GRM1: variants seen among roughly 807,000 people sequenced by gnomAD.
The protein encoded by GRM1 is glutamate metabotropic receptor 1, also known as metabotropic glutamate receptor 1.
In GRM1, 33 loss-of-function variants were observed where a neutral mutation model predicts 90.9. That is an observed-to-expected ratio of 0.36 (90% CI 0.28 to 0.49). GRM1 has a LOEUF of 0.49. Among genes scored for constraint, GRM1 ranks in the 20% least tolerant of loss-of-function variants. GRM1 has a pLI of 0.99. For synonymous variants in GRM1, 700 were observed against 613.2 expected (o/e 1.14, Z -2.09); for missense variants, 1,190 against 1,534.3 (o/e 0.78, Z 3.75).
intron 2 of GRM1, among the ~76,000 whole-genome samples, chr6:146,220,125 C>A (rs1780012430): frequency 6.6e-6 from 1 of 151,984 alleles, no homozygotes; most frequent in Non-Finnish European, 1.5e-5. Flanking sequence ...ATGGATACTG[C>A]ATTTAAATTT....
chr6:146,108,471 G>T (rs1213795939), intron 1 of GRM1, among the ~76,000 whole-genome samples: 2 of 152,212 alleles, frequency 1.3e-5, no homozygotes, highest in Non-Finnish European at 2.9e-5. Context: ...GCTGCCATTT[G>T]AAATGTGCCT....
intron 1 of GRM1, among the ~76,000 whole-genome samples, chr6:146,053,258 G>C (rs915618118): frequency 1.1e-4 from 17 of 151,974 alleles, no homozygotes; most frequent in Middle Eastern, 3.4e-3. Flanking sequence ...TGAGAATTTA[G>C]AATACAAGAA....
intron 1 of GRM1, among the ~76,000 whole-genome samples, chr6:146,047,134 A>G (rs1234207211): frequency 6.6e-6 from 1 of 151,976 alleles, no homozygotes; most frequent in Non-Finnish European, 1.5e-5. Flanking sequence ...GGAAAAGCGG[A>G]CCCAGATGTC....
chr6:146,282,747 G>T (rs1038711610), intron 2 of GRM1, among the ~76,000 whole-genome samples: 3 of 151,978 alleles, frequency 2.0e-5, no homozygotes, highest in Non-Finnish European at 4.4e-5. Context: ...TAGAAAAAAT[G>T]TAATAAAAAA....
At chr6:146,040,568 C>T (rs1188934402) in intron 1 of GRM1, among the ~76,000 whole-genome samples, 3 of 151,948 alleles carry the variant, frequency 2.0e-5, no homozygotes, top group African/African-American at 7.2e-5. Context: ...TTCTTTTCTT[C>T]AGTGCTTTGT....
At chr6:146,414,253 A>G (rs900237178) in intron 7 of GRM1, among the ~76,000 whole-genome samples, 1 of 151,938 alleles carries the variant, frequency 6.6e-6, no homozygotes, top group Non-Finnish European at 1.5e-5. Flanking sequence ...TATAGTTTCC[A>G]TTTGCATTTT....
intron 2 of GRM1, among the ~76,000 whole-genome samples, chr6:146,173,747 A>G (rs967711498): frequency 2.6e-5 from 4 of 151,430 alleles, no homozygotes; most frequent in South Asian, 2.1e-4. Flanking sequence ...GCTGACTGCA[A>G]TCTCCACCTC....
intron 1 of GRM1, among the ~76,000 whole-genome samples, chr6:146,126,658 G>A (rs1377935034): frequency 6.6e-6 from 1 of 151,944 alleles, no homozygotes; most frequent in Admixed American, 6.6e-5. Context: ...AATCATTAAG[G>A]GACAGGAGAA....
At chr6:146,419,009 G>A (rs1308546405) in intron 7 of GRM1, among the ~76,000 whole-genome samples, 1 of 152,164 alleles carries the variant, frequency 6.6e-6, no homozygotes, top group Non-Finnish European at 1.5e-5. Flanking sequence ...TGGCCTATGG[G>A]AGATTAGAAT....
intron 1 of GRM1, among the ~76,000 whole-genome samples, chr6:146,039,561 G>C (rs1157052492): frequency 6.6e-6 from 1 of 151,990 alleles, no homozygotes; most frequent in Non-Finnish European, 1.5e-5. Context: ...TTATATTTTG[G>C]AAAGGGCATC....
chr6:146,426,450 T>C (rs1250917917), intron 7 of GRM1: 2 of 980,730 alleles, frequency 2.0e-6, no homozygotes, highest in Non-Finnish European at 3.2e-6. Flanking sequence ...GTGGAGGCAA[T>C]ACAGAGCAAG....
intron 1 of GRM1, among the ~76,000 whole-genome samples, chr6:146,080,858 G>A (rs907833385): frequency 6.6e-6 from 1 of 152,188 alleles, no homozygotes; most frequent in African/African-American, 2.4e-5. Flanking sequence ...CAAAGGATGG[G>A]GACAGCACAT....
chr6:146,325,703 A>C (rs1313268141), intron 3 of GRM1, among the ~76,000 whole-genome samples: 1 of 152,196 alleles, frequency 6.6e-6, no homozygotes, highest in African/African-American at 2.4e-5. Flanking sequence ...TAGGCATTAT[A>C]CTTTTCAAAT....
chr6:146,344,056 A>G (rs1259373490), intron 3 of GRM1, among the ~76,000 whole-genome samples: 1 of 152,210 alleles, frequency 6.6e-6, no homozygotes, highest in Non-Finnish European at 1.5e-5. Flanking sequence ...TTATCAGTTT[A>G]TATACCAAAC....
chr6:146,166,053 A>C (rs1172806348), intron 2 of GRM1, among the ~76,000 whole-genome samples: 1 of 152,104 alleles, frequency 6.6e-6, no homozygotes, highest in Non-Finnish European at 1.5e-5. Flanking sequence ...ACCCAATTTG[A>C]ATAGACGGAA....
At chr6:146,242,673 A>T (rs1780909825) in intron 2 of GRM1, among the ~76,000 whole-genome samples, 2 of 152,240 alleles carry the variant, frequency 1.3e-5, no homozygotes, top group South Asian at 4.1e-4. Context: ...CCTGAGAGGT[A>T]GTAGGGAAAA....
chr6:146,349,815 A>G (rs117290800), intron 3 of GRM1, among the ~76,000 whole-genome samples: 2,822 of 152,326 alleles, frequency 0.019, 40 homozygotes, highest in Middle Eastern at 0.031. Context: ...AAATAATGAC[A>G]TTCTACTGAC....
At chr6:146,373,530 C>T (rs1282979161) in intron 5 of GRM1, among the ~76,000 whole-genome samples, 2 of 152,102 alleles carry the variant, frequency 1.3e-5, no homozygotes, top group Non-Finnish European at 2.9e-5. Flanking sequence ...AATCGCCTCC[C>T]ATCAGACCCC....
At chr6:146,323,962 G>T (rs1040390255) in intron 3 of GRM1, among the ~76,000 whole-genome samples, 1 of 152,026 alleles carries the variant, frequency 6.6e-6, no homozygotes, top group Non-Finnish European at 1.5e-5. Flanking sequence ...TCTCTGTTTT[G>T]GTACCAGTAC....
Sources: allele counts gnomAD v4.1 joint callset (sites outside exome capture counted in the v4.1 genomes callset), GRCh38; gene constraint gnomAD v4.1.1; transcripts MANE v1.5; gene names NCBI Gene and HGNC (gene_info 2026-07-23, HGNC 2026-07-21).